Variants in NUMB observed in about 807,000 individuals in gnomAD.
The protein encoded by NUMB is protein numb homolog.
NUMB carries 29 observed loss-of-function variants against 59.7 expected under a neutral mutation model. The observed-to-expected ratio is 0.49, with a 90% CI of 0.36 to 0.66. The LOEUF is 0.66. Ranked by LOEUF, NUMB falls within the 30% of genes least tolerant of loss-of-function variation. The probability of loss-of-function intolerance (pLI) is 0.00; values close to 1 mark genes in which losing one functional copy is unlikely to be tolerated. For synonymous variants in NUMB, 288 were observed against 288.2 expected (o/e 1.00, Z 0.01); for missense variants, 723 against 822.0 (o/e 0.88, Z 1.47).
intron 5 of NUMB, among the ~76,000 whole-genome samples, chr14:73,319,320 T>C (rs1891269852): frequency 6.6e-6 from 1 of 152,200 alleles, no homozygotes; most frequent in African/African-American, 2.4e-5. Context: ...TCAAAGATTA[T>C]TCACTAGATG....
intron 6 of NUMB, among the ~76,000 whole-genome samples, chr14:73,313,332 A>G (rs529178583): frequency 5.9e-5 from 9 of 152,002 alleles, no homozygotes; most frequent in African/African-American, 1.7e-4. Flanking sequence ...GAATAAATGT[A>G]AGAAAATGAT....
chr14:73,298,632 TA>T (rs1889926473), intron 6 of NUMB: 1 of 152,144 alleles, frequency 6.6e-6, no homozygotes, highest in Non-Finnish European at 1.5e-5. Flanking sequence ...CAGATTATCA[TA>T]AAAAGTATAG....
intron 2 of NUMB, among the ~76,000 whole-genome samples, chr14:73,403,452 C>A (rs944334922): frequency 6.6e-6 from 1 of 152,136 alleles, no homozygotes; most frequent in African/African-American, 2.4e-5. Flanking sequence ...ATTAGTCTGA[C>A]AAAATTACAA....
intron 4 of NUMB, among the ~76,000 whole-genome samples, chr14:73,355,294 A>G (rs1893721034): frequency 6.6e-6 from 1 of 152,208 alleles, no homozygotes; most frequent in Non-Finnish European, 1.5e-5. Flanking sequence ...TTCACCAGTT[A>G]GTAAGCATAT....
chr14:73,386,004 A>C (rs1895503410), intron 2 of NUMB, among the ~76,000 whole-genome samples: 1 of 152,230 alleles, frequency 6.6e-6, no homozygotes. Context: ...GACAACCTTA[A>C]CTAGCGGGCT....
intron 6 of NUMB, among the ~76,000 whole-genome samples, chr14:73,301,820 T>C (rs1371287070): frequency 6.6e-6 from 1 of 152,090 alleles, no homozygotes; most frequent in Non-Finnish European, 1.5e-5. Flanking sequence ...GTGGCTCATG[T>C]CTGTAATCCC....
At chr14:73,371,338 C>T (rs1894661859) in intron 2 of NUMB, among the ~76,000 whole-genome samples, 1 of 152,036 alleles carries the variant, frequency 6.6e-6, no homozygotes, top group Non-Finnish European at 1.5e-5. Context: ...AGATCGAGAT[C>T]ATCCTGGCCA....
chr14:73,399,023 T>A (rs763113771), intron 2 of NUMB, among the ~76,000 whole-genome samples: 1 of 152,308 alleles, frequency 6.6e-6, no homozygotes, highest in East Asian at 1.9e-4. Context: ...TGGAAATACA[T>A]ATACAATGGA....
At chr14:73,390,597 CTTATT>C (rs1895791197) in intron 2 of NUMB, among the ~76,000 whole-genome samples, 1 of 107,530 alleles carries the variant, frequency 9.3e-6, no homozygotes, top group African/African-American at 3.4e-5. Flanking sequence ...ACCCTACTGT[CTTATT>C]TATAAGACTG....
intron 2 of NUMB, among the ~76,000 whole-genome samples, chr14:73,398,144 G>T (rs1321337650): frequency 6.6e-6 from 1 of 151,904 alleles, no homozygotes; most frequent in Non-Finnish European, 1.5e-5. Context: ...TAAAAATGTA[G>T]GTCTGATTAA....
At chr14:73,390,930 T>C (rs1449715122) in intron 2 of NUMB, among the ~76,000 whole-genome samples, 3 of 152,206 alleles carry the variant, frequency 2.0e-5, no homozygotes. Context: ...ATTACAGGCA[T>C]GAGCCACCAC....
At chr14:73,313,027 T>A (rs1456969230) in intron 6 of NUMB, among the ~76,000 whole-genome samples, 3 of 151,440 alleles carry the variant, frequency 2.0e-5, no homozygotes, top group Admixed American at 2.0e-4. Context: ...TGCTCTATAG[T>A]CCAGGCTGGA....
intron 2 of NUMB, among the ~76,000 whole-genome samples, chr14:73,403,211 C>G (rs1048550640): frequency 6.6e-6 from 1 of 152,158 alleles, no homozygotes; most frequent in East Asian, 1.9e-4. Flanking sequence ...CATCTTAAGA[C>G]CATGAAAGGC....
intron 2 of NUMB, among the ~76,000 whole-genome samples, chr14:73,403,870 G>A (rs561063675): frequency 3.3e-5 from 5 of 152,054 alleles, no homozygotes; most frequent in South Asian, 2.1e-4. Flanking sequence ...CGAGGCGGGC[G>A]GATCATGAGG....
intron 1 of NUMB, among the ~76,000 whole-genome samples, chr14:73,442,873 C>CT (rs1475350475): frequency 6.6e-6 from 1 of 151,338 alleles, no homozygotes; most frequent in Non-Finnish European, 1.5e-5. Context: ...ACTTTTTTTT[C>CT]TTTTTTTGAG....
chr14:73,386,903 C>T (rs1254055682), intron 2 of NUMB, among the ~76,000 whole-genome samples: 3 of 61,630 alleles, frequency 4.9e-5, no homozygotes, highest in Admixed American at 5.9e-4. Flanking sequence ...TTTTTTGAGA[C>T]GGAGTCTCGC....
intron 6 of NUMB, among the ~76,000 whole-genome samples, chr14:73,309,695 C>A (rs1025406561): frequency 6.8e-6 from 1 of 147,114 alleles, no homozygotes; most frequent in Non-Finnish European, 1.5e-5. Context: ...GCATGTTCTG[C>A]ACATATATCC....
At chr14:73,363,375 A>G (rs1171481938) in intron 3 of NUMB, among the ~76,000 whole-genome samples, 1 of 152,192 alleles carries the variant, frequency 6.6e-6, no homozygotes, top group Non-Finnish European at 1.5e-5. Flanking sequence ...TGACCTAACT[A>G]GAAACACAAT....
At chr14:73,336,979 C>T (rs1892354011) in intron 4 of NUMB, among the ~76,000 whole-genome samples, 1 of 152,112 alleles carries the variant, frequency 6.6e-6, no homozygotes, top group African/African-American at 2.4e-5. Flanking sequence ...CGCCTGTAAT[C>T]CCAGCTCTTT....
Sources: allele counts gnomAD v4.1 joint callset (sites outside exome capture counted in the v4.1 genomes callset), GRCh38; gene constraint gnomAD v4.1.1; transcripts MANE v1.5; gene names NCBI Gene and HGNC (gene_info 2026-07-23, HGNC 2026-07-21).